Variants in PEX7 observed in about 807,000 individuals in gnomAD.
The protein encoded by PEX7 is peroxisomal biogenesis factor 7, also known as PTS2 receptor.
A neutral mutation model predicts 47.5 loss-of-function variants in PEX7; 34 were observed. The ratio of observed to expected loss-of-function variants is 0.72; its 90% CI spans 0.54 to 0.95. The LOEUF (loss-of-function observed/expected upper bound fraction) is 0.95, where lower values mean the gene tolerates loss of function less well. Among genes scored for constraint, PEX7 ranks in the 40% least tolerant of loss-of-function variants. PEX7 has a pLI of 0.00. For synonymous variants in PEX7, 141 were observed against 148.8 expected (o/e 0.95, Z 0.38); for missense variants, 394 against 400.3 (o/e 0.98, Z 0.13).
chr6:136,827,597 G>A (rs920442589), intron 3 of PEX7, among the ~76,000 whole-genome samples: 1 of 149,330 alleles, frequency 6.7e-6, no homozygotes, highest in Admixed American at 6.7e-5. Context: ...GTGCAATCTT[G>A]GCTTACTGCA....
At chr6:136,822,938 G>T (rs1774108852) in intron 1 of PEX7, 143 bp downstream of exon 1, 1 of 1,209,084 alleles carries the variant, frequency 8.3e-7, no homozygotes, top group South Asian at 3.8e-5. Context: ...AAGAGGCGCT[G>T]GTCGGCGCTT....
chr6:136,890,792 G>C (rs916439310), intron 8 of PEX7, among the ~76,000 whole-genome samples: 1 of 152,140 alleles, frequency 6.6e-6, no homozygotes, highest in Non-Finnish European at 1.5e-5. Context: ...CAACATTTAG[G>C]TGTGGGGTGA....
chr6:136,883,741 G>A lies in PEX7; in HGVS notation c.803+11488G>A, dbSNP rs73777769. Among the ~76,000 whole-genome samples the A allele has an allele frequency of 3.5e-3, 531 of 152,202 alleles. 7 individuals carry two copies. Among genetic ancestry groups the A allele is most frequent in the African/African-American group, 0.011 (473 of 41,526 alleles). ...CACAGGCACCTGAGTGTCCAAACAG[G>A]AATCTCACACTGAACTCCTTCTTTG... is the stretch of plus-strand genomic sequence containing the variant. On this transcript the variant is annotated intron_variant, in intron 8 of 9. Transcript: ENST00000318471.
intron 8 of PEX7, among the ~76,000 whole-genome samples, chr6:136,893,059 A>G (rs1318297918): frequency 6.6e-6 from 1 of 152,028 alleles, no homozygotes; most frequent in Non-Finnish European, 1.5e-5. Context: ...GGTGTATGGG[A>G]CCCCTCTTCA....
intron 8 of PEX7, among the ~76,000 whole-genome samples, chr6:136,880,375 G>A (rs1405090934): frequency 1.3e-5 from 2 of 151,934 alleles, no homozygotes; most frequent in Admixed American, 1.3e-4. Context: ...TCTTTATTAT[G>A]CCTTTTTCCA....
chr6:136,888,747 T>C (rs1243350283), intron 8 of PEX7, among the ~76,000 whole-genome samples: 3 of 152,132 alleles, frequency 2.0e-5, no homozygotes, highest in South Asian at 4.1e-4. Flanking sequence ...AAATGAAAAA[T>C]TGTGATACCC....
intron 6 of PEX7, among the ~76,000 whole-genome samples, 155 bp downstream of exon 6, chr6:136,866,888 C>T (rs1237665342): frequency 6.6e-6 from 1 of 152,148 alleles, no homozygotes; most frequent in Non-Finnish European, 1.5e-5. Context: ...TGTGACTGAC[C>T]TGCATTAGCA....
intron 7 of PEX7, among the ~76,000 whole-genome samples, chr6:136,870,257 C>T (rs1410656371): frequency 6.6e-6 from 1 of 152,106 alleles, no homozygotes; most frequent in Non-Finnish European, 1.5e-5. Context: ...ATTCTTTCAC[C>T]TCCAATCTGT....
At chr6:136,822,869 C>T (rs1474649769) in intron 1 of PEX7, 74 bp downstream of exon 1, 2 of 1,223,524 alleles carry the variant, frequency 1.6e-6, no homozygotes, top group Admixed American at 4.4e-5. Context: ...CAGTTCCTCG[C>T]GCTCGAGGGA....
intron 5 of PEX7, among the ~76,000 whole-genome samples, chr6:136,857,831 C>CT (rs925833958): frequency 1.3e-5 from 2 of 151,542 alleles, no homozygotes; most frequent in East Asian, 1.9e-4. Context: ...AGCATTACCT[C>CT]TTTTTTTTTG....
chr6:136,909,931 C>T (rs985511910), intron 9 of PEX7, among the ~76,000 whole-genome samples: 4 of 151,930 alleles, frequency 2.6e-5, no homozygotes, highest in Non-Finnish European at 5.9e-5. Flanking sequence ...TCTCCAGTAG[C>T]GGATGCTTAA....
chr6:136,877,915 A>G (rs564563558), intron 8 of PEX7, among the ~76,000 whole-genome samples: 7 of 152,104 alleles, frequency 4.6e-5, no homozygotes, highest in Non-Finnish European at 8.8e-5. Flanking sequence ...TTTTCACGAT[A>G]TTGATTCTTC....
At chr6:136,874,786 A>G (rs942366973) in intron 8 of PEX7, among the ~76,000 whole-genome samples, 3 of 151,308 alleles carry the variant, frequency 2.0e-5, no homozygotes, top group African/African-American at 7.3e-5. Flanking sequence ...TTGAATATCT[A>G]GTGGTATGTT....
intron 7 of PEX7, among the ~76,000 whole-genome samples, chr6:136,871,585 GTCTC>G: frequency 6.6e-6 from 1 of 152,094 alleles, no homozygotes; most frequent in Non-Finnish European, 1.5e-5. Context: ...TTGAGCCAGA[GTCTC>G]TCTCTGTCGC....
chr6:136,870,719 C>CT (rs752799274), intron 7 of PEX7: 568 of 369,356 alleles, frequency 1.5e-3, no homozygotes, highest in Middle Eastern at 3.5e-3. Context: ...ATTTTTTTTT[C>CT]TTTTTTTTTG....
At chr6:136,860,409 CTTT>C (rs386408726) in intron 5 of PEX7, among the ~76,000 whole-genome samples, 1 of 113,948 alleles carries the variant, frequency 8.8e-6, no homozygotes, top group Non-Finnish European at 1.7e-5. Context: ...AGCCATGGCT[CTTT>C]TTTTTTTTTT....
chr6:136,896,575 T>C (rs1003712931), intron 8 of PEX7, among the ~76,000 whole-genome samples: 3 of 152,138 alleles, frequency 2.0e-5, no homozygotes, highest in African/African-American at 7.2e-5. Flanking sequence ...CCTTTTTCCT[T>C]TGGCTGCTAG....
chr6:136,858,705 T>C (rs1562740546), intron 5 of PEX7, among the ~76,000 whole-genome samples: 1 of 152,242 alleles, frequency 6.6e-6, no homozygotes, highest in Non-Finnish European at 1.5e-5. Context: ...GTAATGGGAA[T>C]TGCATGTCTG....
intron 8 of PEX7, among the ~76,000 whole-genome samples, chr6:136,880,440 G>A (rs1380768752): frequency 1.3e-5 from 2 of 152,096 alleles, no homozygotes; most frequent in South Asian, 2.1e-4. Context: ...TTAGGTCAGC[G>A]TTAGACCTAG....
Sources: allele counts gnomAD v4.1 joint callset (sites outside exome capture counted in the v4.1 genomes callset), GRCh38; gene constraint gnomAD v4.1.1; transcripts MANE v1.5; gene names NCBI Gene and HGNC (gene_info 2026-07-23, HGNC 2026-07-21).